The following ATXN2 variants were observed in gnomAD, a reference collection of about 807,000 sequenced individuals.
The protein encoded by ATXN2 is ataxin-2.
ATXN2 carries 37 observed loss-of-function variants against 138.6 expected under a neutral mutation model. The ratio of observed to expected loss-of-function variants is 0.27; its 90% confidence interval spans 0.21 to 0.35. The LOEUF is 0.35. ATXN2 is among the 10% of genes least tolerant of loss of function. The pLI, the probability that ATXN2 is intolerant of heterozygous loss-of-function variation, is 1.00. For synonymous variants in ATXN2, 549 were observed against 543.7 expected (o/e 1.01, Z -0.13); for missense variants, 1,216 against 1,480.3 (o/e 0.82, Z 2.93).
chr12:111,559,595 A>C (rs142530403), intron 1 of ATXN2, among the ~76,000 whole-genome samples: 5,551 of 149,672 alleles, frequency 0.037, 351 homozygotes, highest in African/African-American at 0.13. Flanking sequence ...AATATGGTGA[A>C]ACCCCGTTTC....
In ATXN2 at chr12:111,510,600, T is replaced by C. The variant is rs1592848096; in HGVS notation, c.1559-18A>G. 6.3e-7 allele frequency: 1 copy of C among 1,579,996 alleles called. No individual in the cohort carries two copies. Among genetic ancestry groups the C allele is most frequent in the African/African-American group, 1.4e-5 (1 of 74,036 alleles). ...TCTTGGAACTAGAAGAAAGGGAAAA[T>C]GTATTTATTACATTCTCAGTTCAAA... On this transcript the variant is annotated intron_variant, in intron 11 of 24. Coordinates refer to ENST00000673436, the MANE Select transcript of ATXN2 (RefSeq NM_001372574.1).
chr12:111,508,422 T>C (rs1473281725), intron 14 of ATXN2, among the ~76,000 whole-genome samples: 1 of 151,512 alleles, frequency 6.6e-6, no homozygotes, highest in African/African-American at 2.4e-5. Context: ...TGTTAACTAT[T>C]GTTTAACAAA....
intron 1 of ATXN2, among the ~76,000 whole-genome samples, chr12:111,567,232 T>TGGC (rs2135807498): frequency 6.6e-6 from 1 of 152,302 alleles, no homozygotes; most frequent in East Asian, 1.9e-4. Flanking sequence ...CCGGGCGTGG[T>TGGC]GGCTCACACT....
Position 111,456,587 on chromosome 12 carries a change from T to C in ATXN2, c.3043-331A>G, listed in dbSNP as rs1342379551. Among the ~76,000 whole-genome samples the C allele has an allele frequency of 2.6e-5, 4 of 152,280 alleles. No homozygotes were observed. The South Asian group carries it at 8.3e-4, about 32-fold the overall frequency. ...TAGCAAACATAATTCAAGAAGCTCATAGGAAAATAACCTCATCACATAAAC... is the reference window on the plus strand; with the variant it reads ...TAGCAAACATAATTCAAGAAGCTCACAGGAAAATAACCTCATCACATAAAC... On this transcript the variant is annotated intron_variant, in intron 22 of 24. Coordinates refer to ENST00000673436, the MANE Select transcript of ATXN2 (RefSeq NM_001372574.1).
chr12:111,557,773 T>C (rs1438766354), intron 1 of ATXN2, among the ~76,000 whole-genome samples: 1 of 152,182 alleles, frequency 6.6e-6, no homozygotes, highest in Non-Finnish European at 1.5e-5. Context: ...TTTTCAAACA[T>C]CATTTGAATT....
At chr12:111,592,495 G>C (rs1050905795) in intron 1 of ATXN2, among the ~76,000 whole-genome samples, 1 of 150,934 alleles carries the variant, frequency 6.6e-6, no homozygotes, top group Non-Finnish European at 1.5e-5. Context: ...AAAAAGATAC[G>C]GCAGCGGCCA....
chr12:111,585,028 T>A (rs1884247692), intron 1 of ATXN2, among the ~76,000 whole-genome samples: 1 of 152,202 alleles, frequency 6.6e-6, no homozygotes, highest in African/African-American at 2.4e-5. Context: ...ATGCTTGTCA[T>A]AATCCACTAA....
intron 20 of ATXN2, among the ~76,000 whole-genome samples, chr12:111,465,818 T>TA (rs932739077): frequency 2.6e-5 from 3 of 117,636 alleles, no homozygotes; most frequent in Admixed American, 1.6e-4. Context: ...GAAAAAAAAT[T>TA]AAAGTAACTT....
At chr12:111,472,232 A>C (rs1281448327) in intron 18 of ATXN2, among the ~76,000 whole-genome samples, 1 of 152,120 alleles carries the variant, frequency 6.6e-6, no homozygotes, top group Non-Finnish European at 1.5e-5. Context: ...GCACCACTGC[A>C]CTCCAGCCTC....
intron 5 of ATXN2, among the ~76,000 whole-genome samples, chr12:111,530,111 C>T (rs181865704): frequency 6.6e-6 from 1 of 152,218 alleles, no homozygotes; most frequent in East Asian, 1.9e-4. Context: ...TATGTGTCAT[C>T]GTTATATGTG....
chr12:111,486,727 G>C (rs1238645401), intron 16 of ATXN2, 34 bp downstream of exon 16: 3 of 1,560,632 alleles, frequency 1.9e-6, no homozygotes. Flanking sequence ...CTTTTTTTGG[G>C]ACTAGATAAC....
chr12:111,525,372 A>G, intron 5 of ATXN2, 56 bp from the exon 6 acceptor site: 1 of 1,449,058 alleles, frequency 6.9e-7, no homozygotes, highest in South Asian at 1.5e-5. Flanking sequence ...AGTTACACTC[A>G]CACACGTGAA....
At chr12:111,588,869 C>T (rs1354447215) in intron 1 of ATXN2, among the ~76,000 whole-genome samples, 4 of 149,808 alleles carry the variant, frequency 2.7e-5, no homozygotes, top group Non-Finnish European at 5.9e-5. Flanking sequence ...GTGGCGGGCG[C>T]ATGTAGTCCC....
intron 1 of ATXN2, among the ~76,000 whole-genome samples, chr12:111,573,477 T>A (rs1883454481): frequency 6.6e-6 from 1 of 152,238 alleles, no homozygotes; most frequent in Non-Finnish European, 1.5e-5. Flanking sequence ...ATTACAGGCA[T>A]AAGCGACTGC....
intron 2 of ATXN2, among the ~76,000 whole-genome samples, chr12:111,555,050 T>C (rs1005041818): frequency 3.3e-5 from 5 of 152,190 alleles, no homozygotes; most frequent in African/African-American, 1.2e-4. Context: ...ATTTCTTCCA[T>C]CATGTGGGAC....
At chr12:111,560,362 G>A (rs959774254) in intron 1 of ATXN2, among the ~76,000 whole-genome samples, 3 of 152,236 alleles carry the variant, frequency 2.0e-5, no homozygotes. Context: ...TGCAAATACT[G>A]TGCCATTTTA....
At chr12:111,568,770 T>A (rs899193557) in intron 1 of ATXN2, among the ~76,000 whole-genome samples, 3 of 152,230 alleles carry the variant, frequency 2.0e-5, no homozygotes, top group Non-Finnish European at 4.4e-5. Flanking sequence ...AGTTAGACAA[T>A]TAACTAAAAT....
intron 1 of ATXN2, among the ~76,000 whole-genome samples, chr12:111,580,754 T>A (rs1438063863): frequency 1.2e-4 from 14 of 112,150 alleles, no homozygotes; most frequent in Admixed American, 2.8e-4. Flanking sequence ...AAGGAAAAAA[T>A]AAAAAGGAGA....
At chr12:111,455,865 CAA>C in intron 23 of ATXN2, 162 bp downstream of exon 23, 1 of 735,714 alleles carries the variant, frequency 1.4e-6, no homozygotes, top group Non-Finnish European at 2.4e-6. Context: ...CAAAACCACA[CAA>C]ACATTCCCTT....
Sources: gnomAD v4.1 joint callset for allele counts (sites outside exome capture counted in the v4.1 genomes callset) on GRCh38, gnomAD v4.1.1 for gene constraint, MANE v1.5 for transcripts, NCBI Gene and HGNC (gene_info 2026-07-23, HGNC 2026-07-21) for gene names.